MIPOL1: variants seen among roughly 807,000 people sequenced by gnomAD.
The protein encoded by MIPOL1 is mirror-image polydactyly 1.
A neutral mutation model predicts 60.9 loss-of-function variants in MIPOL1; 57 were observed. That is an observed-to-expected ratio of 0.94 (90% CI 0.76 to 1.17). The LOEUF is 1.17. Among genes scored for constraint, MIPOL1 ranks in the 50% most tolerant of loss-of-function variants. The pLI, the probability that MIPOL1 is intolerant of heterozygous loss-of-function variation, is 0.00. For synonymous variants in MIPOL1, 179 were observed against 168.8 expected, an observed-to-expected ratio of 1.06 and a Z score of -0.47; for missense variants, 551 against 511.6, an observed-to-expected ratio of 1.08 and a Z score of -0.74.
chr14:37,340,120 C>G, intron 9 of MIPOL1, among the ~76,000 whole-genome samples: 1 of 151,726 alleles, frequency 6.6e-6, no homozygotes, highest in East Asian at 1.9e-4. Context: ...TTTCTTTTTC[C>G]TGTGTGAAAT....
At position 37,270,641 on chromosome 14, in the gene MIPOL1, C is replaced by CTTTT. The variant is rs66866056; in HGVS notation, c.493+132_493+135dup. The CTTTT allele has an allele frequency of 6.1e-4, 129 of 212,062 alleles. 1 individual carries two copies. The highest frequency in any genetic ancestry group is 1.2e-3 in the Middle Eastern group (1 of 830). 13.1% of individuals were successfully genotyped at this position (212,062 alleles called of 1,614,324 possible). On this transcript the variant is annotated intron_variant, in intron 6 of 12. Coordinates refer to ENST00000684589, the MANE Select transcript of MIPOL1 (RefSeq NM_001388067.1). ...ATTTGCCAAAGGAGGGGAAGCTCTC[C>CTTTT]TTTTTTTTTTTTTTTTTTTGGCTGC...
At chr14:37,302,424 A>C (rs1461285318) in intron 7 of MIPOL1, among the ~76,000 whole-genome samples, 1 of 151,094 alleles carries the variant, frequency 6.6e-6, no homozygotes, top group African/African-American at 2.4e-5. Context: ...TAAAGTGTTC[A>C]GGTATTTGAT....
chr14:37,237,314 G>A (rs1367446285), intron 1 of MIPOL1, among the ~76,000 whole-genome samples: 1 of 152,116 alleles, frequency 6.6e-6, no homozygotes, highest in African/African-American at 2.4e-5. Context: ...TCTAGTTAGA[G>A]GGAGGGAACT....
intron 9 of MIPOL1, among the ~76,000 whole-genome samples, chr14:37,333,710 G>C (rs2089906430): frequency 6.6e-6 from 1 of 152,006 alleles, no homozygotes; most frequent in Non-Finnish European, 1.5e-5. Flanking sequence ...AATAATAGCA[G>C]ATCATCAAAG....
chr14:37,457,550 T>A (rs1030660837), intron 11 of MIPOL1, among the ~76,000 whole-genome samples: 2 of 152,198 alleles, frequency 1.3e-5, no homozygotes, highest in African/African-American at 2.4e-5. Context: ...ACTTGTGCTC[T>A]ACTCTGCAAG....
intron 11 of MIPOL1, among the ~76,000 whole-genome samples, chr14:37,480,394 C>T (rs548352272): frequency 3.3e-5 from 5 of 151,982 alleles, no homozygotes; most frequent in African/African-American, 9.6e-5. Context: ...GATGGTGAAA[C>T]GTATGCAAAT....
chr14:37,537,896 A>T (rs2095513434), intron 12 of MIPOL1, among the ~76,000 whole-genome samples: 1 of 152,252 alleles, frequency 6.6e-6, no homozygotes, highest in African/African-American at 2.4e-5. Flanking sequence ...TTTGCCAAGT[A>T]TCATAACAGT....
At chr14:37,326,458 T>C (rs1340173987) in intron 9 of MIPOL1, among the ~76,000 whole-genome samples, 1 of 152,122 alleles carries the variant, frequency 6.6e-6, no homozygotes, top group African/African-American at 2.4e-5. Context: ...CAGATCCATA[T>C]CCAGAGGAAG....
rs5807945 is a variant in MIPOL1 at position 37,316,593 on chromosome 14, GT to G, written c.828+8087del. ...GAGAGGGCTTATGGTATCTTGGGAG[GT>G]TTTTTTTTTTTTCCTTTCTTTTTTT... On this transcript the variant is annotated intron_variant, in intron 9 of 12. Coordinates refer to ENST00000684589, the MANE Select transcript of MIPOL1 (RefSeq NM_001388067.1). 9.1e-5 allele frequency among the ~76,000 whole-genome samples: 13 copies of G among 143,030 alleles called. 1 individual carries two copies. Among genetic ancestry groups the G allele is most frequent in the African/African-American group, 2.8e-4 (11 of 38,750 alleles). The allele number at this position is 143,030 out of a possible 152,430, so 93.8% of individuals were successfully genotyped here. A position where few individuals can be genotyped will look rare whatever the true frequency, so the allele number is the denominator to read the frequency against.
chr14:37,537,091 T>C (rs1431545378), intron 12 of MIPOL1, among the ~76,000 whole-genome samples: 1 of 152,174 alleles, frequency 6.6e-6, no homozygotes, highest in Non-Finnish European at 1.5e-5. Context: ...ATTTTAGTAC[T>C]GATGAAAATT....
intron 11 of MIPOL1, among the ~76,000 whole-genome samples, chr14:37,469,134 T>C (rs562410652): frequency 6.6e-6 from 1 of 152,244 alleles, no homozygotes; most frequent in African/African-American, 2.4e-5. Context: ...CATTCTTGCA[T>C]TGCTATAAAG....
chr14:37,271,859 CATAACCT>C (rs1267769612), intron 6 of MIPOL1, among the ~76,000 whole-genome samples: 2 of 151,600 alleles, frequency 1.3e-5, no homozygotes, highest in African/African-American at 4.8e-5. Flanking sequence ...TTAGGGTTTT[CATAACCT>C]ATTGATAATC....
chr14:37,347,854 C>T (rs1189029911), intron 9 of MIPOL1, among the ~76,000 whole-genome samples: 1 of 152,242 alleles, frequency 6.6e-6, no homozygotes, highest in South Asian at 2.1e-4. Flanking sequence ...ACAAAAGAAT[C>T]GCATTTTCAA....
At chr14:37,226,764 A>G (rs1969817610) in intron 1 of MIPOL1, among the ~76,000 whole-genome samples, 2 of 152,128 alleles carry the variant, frequency 1.3e-5, no homozygotes, top group African/African-American at 4.8e-5. Flanking sequence ...TGGTTGCACT[A>G]CTGCACACCA....
intron 9 of MIPOL1, among the ~76,000 whole-genome samples, chr14:37,337,880 A>G (rs1363179696): frequency 6.6e-6 from 1 of 151,902 alleles, no homozygotes; most frequent in Non-Finnish European, 1.5e-5. Flanking sequence ...GAAGTTTTTT[A>G]TTTTGATAAA....
chr14:37,355,570 A>T lies in MIPOL1; in HGVS notation c.829-13947A>T, dbSNP rs1229758095. 5.0e-3 allele frequency among the ~76,000 whole-genome samples: 709 copies of T among 141,780 alleles called. 4 individuals are homozygous for T. The highest frequency in any genetic ancestry group is 9.7e-3 in the Admixed American group (132 of 13,604). The allele number at this position is 141,780 out of a possible 152,430, so 93.0% of individuals were successfully genotyped here. Reference sequence around the variant, plus strand: ...AATGAGACGTAGATTTGGTCTTTTCACATAGTCTCATATTTCTTGGAGGCT... The same window carrying T: ...AATGAGACGTAGATTTGGTCTTTTCTCATAGTCTCATATTTCTTGGAGGCT... On this transcript the variant is annotated intron_variant, in intron 9 of 12. Transcript: ENST00000684589.
chr14:37,437,375 A>G (rs897396331), intron 11 of MIPOL1, among the ~76,000 whole-genome samples: 9 of 150,700 alleles, frequency 6.0e-5, no homozygotes, highest in African/African-American at 2.0e-4. Flanking sequence ...TAGTTGTCCT[A>G]TCAAGCTTGG....
intron 10 of MIPOL1, among the ~76,000 whole-genome samples, chr14:37,420,143 T>C (rs1378858292): frequency 1.3e-5 from 2 of 151,768 alleles, no homozygotes; most frequent in Non-Finnish European, 2.9e-5. Flanking sequence ...TAAAGCGCTA[T>C]CAATTTTGTA....
chr14:37,546,965 G>C lies in MIPOL1; in HGVS notation c.1323G>C (p.Val441=), dbSNP rs2095549922. The part of the protein sequence containing the change: ...KKVGTGTMRT[V]I ...TTGGAACCGGGACCATGAGGACAGT[G>C]ATCTGATTGAAAAAAAACGACAGTC... Residue 441 remains valine, a synonymous_variant, in exon 13 of 13, where the codon GTG becomes GTC. Coordinates refer to ENST00000684589, the MANE Select transcript of MIPOL1 (RefSeq NM_001388067.1). 1 of 1,582,604 alleles carries C rather than the reference G, an allele frequency of 6.3e-7. No homozygotes were observed. The highest frequency in any genetic ancestry group is 1.4e-5 in the African/African-American group (1 of 73,650).
Sources: allele counts gnomAD v4.1 joint callset (sites outside exome capture counted in the v4.1 genomes callset), GRCh38; gene constraint gnomAD v4.1.1; transcripts MANE v1.5; gene names NCBI Gene and HGNC (gene_info 2026-07-23, HGNC 2026-07-21).